Variants in NBEAL1 observed in about 807,000 individuals in gnomAD.
The protein encoded by NBEAL1 is neurobeachin-like protein 1.
In NBEAL1, 273 loss-of-function variants were observed where a neutral mutation model predicts 351.3. The ratio of observed to expected loss-of-function variants is 0.78; its 90% CI spans 0.70 to 0.86. The LOEUF (loss-of-function observed/expected upper bound fraction) is 0.86. NBEAL1 is among the 40% of genes least tolerant of loss of function. The pLI is 0.00. For synonymous variants in NBEAL1, 1,050 were observed against 1,086.4 expected (o/e 0.97, Z 0.66); for missense variants, 2,961 against 3,201.3 (o/e 0.92, Z 1.81).
intron 46 of NBEAL1, among the ~76,000 whole-genome samples, chr2:203,191,700 G>A (rs2105781768): frequency 6.6e-6 from 1 of 152,220 alleles, no homozygotes; most frequent in South Asian, 2.1e-4. Flanking sequence ...ATGCCTTTGA[G>A]AAATTAAATA....
intron 27 of NBEAL1, among the ~76,000 whole-genome samples, chr2:203,134,294 A>G (rs2063147680): frequency 6.6e-6 from 1 of 151,964 alleles, no homozygotes; most frequent in Admixed American, 6.6e-5. Context: ...TAAAATAGAT[A>G]TAAAATAAGT....
intron 35 of NBEAL1, among the ~76,000 whole-genome samples, chr2:203,153,040 A>G (rs200614124): frequency 5.5e-5 from 8 of 145,432 alleles, no homozygotes; most frequent in Admixed American, 1.6e-4. Context: ...CTCCTCCTCA[A>G]CAACAACAAC....
chr2:203,031,494 A>G (rs1304692627), intron 2 of NBEAL1, among the ~76,000 whole-genome samples: 1 of 152,210 alleles, frequency 6.6e-6, no homozygotes, highest in African/African-American at 2.4e-5. Context: ...TATACATGTT[A>G]ATCTAGTGAA....
Position 203,172,781 on chromosome 2 carries a change from C to T in NBEAL1, c.6251C>T (p.Pro2084Leu), listed in dbSNP as rs201170321. The T allele has an allele frequency of 5.5e-5, 89 of 1,612,138 alleles. No homozygotes were observed. The highest frequency in any genetic ancestry group is 7.1e-5 in the Non-Finnish European group (84 of 1,178,992). ...TCGGAAGAGTTGGACCTTAATAACC[C>T]TGCTGTATTTCGAGATCTTTCCAAA... The part of the protein sequence containing the change: ...YTSEELDLNN[P>L]AVFRDLSKPI... The change falls in exon 41 of 56, where the codon CCT becomes CTT. Residue 2084 changes from proline to leucine, a missense_variant. Transcript: ENST00000683969.
In NBEAL1 at chr2:203,217,540, A is replaced by G; in HGVS notation, c.*186A>G. On this transcript the variant is annotated 3_prime_UTR_variant, in exon 56 of 56. Coordinates refer to ENST00000683969, the MANE Select transcript of NBEAL1 (RefSeq NM_001378026.1). ...TATACTAAGATGTATTTGAGAAAAT[A>G]CATTTGATTTGATTTTGTGGCCCAT... 8.4e-7 allele frequency: 1 copy of G among 1,196,832 alleles called. No individual in the cohort carries two copies. 74.1% of individuals were successfully genotyped at this position (1,196,832 alleles called of 1,614,324 possible).
intron 36 of NBEAL1, among the ~76,000 whole-genome samples, chr2:203,163,012 C>T (rs1214250763): frequency 6.6e-6 from 1 of 152,044 alleles, no homozygotes; most frequent in African/African-American, 2.4e-5. Context: ...CAAAAATTAG[C>T]CAGACATGGG....
intron 40 of NBEAL1, among the ~76,000 whole-genome samples, chr2:203,172,512 CT>C (rs2064353729): frequency 6.6e-6 from 1 of 151,650 alleles, no homozygotes; most frequent in African/African-American, 2.4e-5. Flanking sequence ...CAGAGCAAGA[CT>C]TTGTCTCAAA....
chr2:203,087,380 C>T (rs749290803), intron 10 of NBEAL1, among the ~76,000 whole-genome samples: 45 of 152,238 alleles, frequency 3.0e-4, no homozygotes, highest in Non-Finnish European at 3.2e-4. Flanking sequence ...CGTGAGCCAC[C>T]GAGCCCGGCC....
chr2:203,105,298 T>TAA (rs879304525), intron 12 of NBEAL1, among the ~76,000 whole-genome samples: 2 of 147,410 alleles, frequency 1.4e-5, no homozygotes, highest in Non-Finnish European at 3.0e-5. Context: ...CCATCTCTAC[T>TAA]AAAAAAAAAA....
chr2:203,018,406 G>A (rs541455290), intron 2 of NBEAL1, among the ~76,000 whole-genome samples: 21 of 151,276 alleles, frequency 1.4e-4, no homozygotes, highest in African/African-American at 4.8e-4. Flanking sequence ...GTTTAGTTTT[G>A]GCTCTGCTGC....
rs950523499 is a variant in NBEAL1 at position 203,127,907 on chromosome 2, G to T, written c.3375G>T (p.Gly1125=). The T allele has an allele frequency of 1.3e-6, 2 of 1,551,212 alleles. No individual in the cohort carries two copies. Among genetic ancestry groups the T allele is most frequent in the African/African-American group, 2.7e-5 (2 of 73,404 alleles). The change falls in exon 24 of 56, where the codon GGG becomes GGT. Residue 1125 remains glycine, a synonymous_variant. Coordinates refer to ENST00000683969, the MANE Select transcript of NBEAL1 (RefSeq NM_001378026.1). ...ATGAAGAGATACAAAGTATTATGGG[G>T]TACATAGCTGCTACTAATGAAGAAG... ...GSHEEIQSIM[G]YIAATNEEEQ...
At chr2:203,138,382 C>T in intron 30 of NBEAL1, 67 bp downstream of exon 30, 5 of 1,450,658 alleles carry the variant, frequency 3.4e-6, no homozygotes, top group South Asian at 1.3e-5. Context: ...AAAAATTTTG[C>T]ACCCCCTCTT....
intron 26 of NBEAL1, 136 bp downstream of exon 26, chr2:203,132,268 C>G (rs561515530): frequency 1.7e-6 from 1 of 603,702 alleles, no homozygotes; most frequent in Non-Finnish European, 2.8e-6. Context: ...CCATATCTTA[C>G]GTAGTTTTGT....
At chr2:203,157,930 A>C in intron 36 of NBEAL1, 105 bp downstream of exon 36, 1 of 880,542 alleles carries the variant, frequency 1.1e-6, no homozygotes. Flanking sequence ...AGGGTCCAAC[A>C]GTTAATGCTG....
chr2:203,099,810 A>C, intron 12 of NBEAL1, 98 bp downstream of exon 12: 34 of 761,856 alleles, frequency 4.5e-5, no homozygotes, highest in Middle Eastern at 3.6e-4. Context: ...ATTGGATATC[A>C]TGGGGATTTG....
chr2:203,214,990 A>G (rs2105861446), intron 55 of NBEAL1, among the ~76,000 whole-genome samples: 1 of 152,318 alleles, frequency 6.6e-6, no homozygotes, highest in East Asian at 1.9e-4. Context: ...GTATTTGGCA[A>G]AAGAAGCATG....
At chr2:203,199,625 C>T (rs957051891) in intron 49 of NBEAL1, among the ~76,000 whole-genome samples, 178 bp downstream of exon 49, 8 of 151,450 alleles carry the variant, frequency 5.3e-5, no homozygotes, top group African/African-American at 1.2e-4. Context: ...CTCTGCCTCC[C>T]GAGCTCAAGG....
In NBEAL1 at chr2:203,211,084, C is replaced by T. The variant is rs2105850054; in HGVS notation, c.7912C>T (p.Leu2638=). Reference sequence around the variant, plus strand: ...TGTCACAGGCAGCATACAAGGATTCCTGTCTATAAGAGATCTCCACAGGTA... The same window carrying T: ...TGTCACAGGCAGCATACAAGGATTCTTGTCTATAAGAGATCTCCACAGGTA... ...HIVTGSIQGF[L]SIRDLHSLNL... The change falls in exon 54 of 56, where the codon CTG becomes TTG. Residue 2638 remains leucine, a synonymous_variant. Coordinates refer to ENST00000683969, the MANE Select transcript of NBEAL1 (RefSeq NM_001378026.1). The T allele has an allele frequency of 6.3e-7, 1 of 1,592,692 alleles. No homozygotes were observed.
chr2:203,084,453 A>G lies in NBEAL1; in HGVS notation c.992-10A>G. On this transcript the variant is annotated splice_polypyrimidine_tract_variant and intron_variant, in intron 9 of 55. Transcript: ENST00000683969. The stretch of plus-strand genomic sequence containing the variant: ...TTTTTACATGGATGATTTTCTTTTT[A>G]TTTTCCTAGATACCATCACAGCCAT... 7.3e-7 allele frequency: 1 copy of G among 1,378,868 alleles called. No homozygotes were observed. The highest frequency in any genetic ancestry group is 9.6e-7 in the Non-Finnish European group (1 of 1,041,358). 85.4% of individuals were successfully genotyped at this position (1,378,868 alleles called of 1,614,324 possible). A position where few individuals can be genotyped will look rare whatever the true frequency, so the allele number is the denominator to read the frequency against.
Sources: gnomAD v4.1 joint callset for allele counts (sites outside exome capture counted in the v4.1 genomes callset) on GRCh38, gnomAD v4.1.1 for gene constraint, MANE v1.5 for transcripts, NCBI Gene and HGNC (gene_info 2026-07-23, HGNC 2026-07-21) for gene names.